The following SCAF4 variants were observed in gnomAD, a reference collection of about 807,000 sequenced individuals.
SCAF4 encodes SR-related CTD associated factor 4, also known as SR-related and CTD-associated factor 4.
A neutral mutation model predicts 129.8 loss-of-function variants in SCAF4; 25 were observed. The ratio of observed to expected loss-of-function variants is 0.19; its 90% CI spans 0.14 to 0.27. The LOEUF is 0.27. Ranked by LOEUF, SCAF4 falls within the 10% of genes least tolerant of loss-of-function variation. The pLI, the probability that SCAF4 is intolerant of heterozygous loss-of-function variation, is 1.00. For missense variants in SCAF4, 1,246 were observed against 1,457.1 expected, an observed-to-expected ratio of 0.86 and a Z score of 2.36; for synonymous variants, 551 against 497.7, an observed-to-expected ratio of 1.11 and a Z score of -1.43.
At position 31,689,000 on chromosome 21, in the gene SCAF4, G is replaced by A. The variant is rs188146825; in HGVS notation, c.1886-536C>T. 9.4e-4 allele frequency among the ~76,000 whole-genome samples: 143 copies of A among 152,174 alleles called. 2 individuals are homozygous for A. Among genetic ancestry groups the A allele is most frequent in the South Asian group, 2.3e-3 (11 of 4,820 alleles). On this transcript the variant is annotated intron_variant, in intron 15 of 19. Transcript: ENST00000286835. ...GAAAACAAAACTGTCTTTCTGCTCC[G>A]TCCTCTGAGGCTCTGGCTCCATCAG...
At chr21:31,674,288 A>G (rs1173549203) in intron 19 of SCAF4, among the ~76,000 whole-genome samples, 1 of 152,240 alleles carries the variant, frequency 6.6e-6, no homozygotes, top group Admixed American at 6.5e-5. Flanking sequence ...TACAATAATC[A>G]TATAAACCTT....
chr21:31,706,076 C>G (rs1229269288), intron 2 of SCAF4, among the ~76,000 whole-genome samples, 198 bp downstream of exon 2: 1 of 152,122 alleles, frequency 6.6e-6, no homozygotes, highest in African/African-American at 2.4e-5. Context: ...TCCCCCTACC[C>G]CCACCAAAAA....
chr21:31,694,284 C>A lies in SCAF4; in HGVS notation c.1242G>T (p.Met414Ile). The change falls in exon 11 of 20, where the codon ATG becomes ATT. Residue 414 changes from methionine (M) to isoleucine (I), a missense_variant. Transcript: ENST00000286835. ...CTTGAATACAAGGTTGTTCTACTTC[C>A]ATTTCCTTAAAAAACAAAAACCATG... is the stretch of plus-strand genomic sequence containing the variant. Reference protein sequence around the residue: ...PLTQKPHQQEMEVEQPCIQEV... With the variant: ...PLTQKPHQQEIEVEQPCIQEV... The A allele has an allele frequency of 6.3e-7, 1 of 1,592,350 alleles. No individual in the cohort carries two copies.
At position 31,691,851 on chromosome 21, in the gene SCAF4, C is replaced by T; in HGVS notation, c.1694G>A (p.Arg565Gln). 1 of 1,607,116 alleles carries T rather than the reference C, an allele frequency of 6.2e-7. No homozygotes were observed. The highest frequency in any genetic ancestry group is 1.1e-5 in the South Asian group (1 of 90,284). ...TTTCTGGTTCACTTTATAGTTTCCT[C>T]GGCTCAGTTTCTGCAGGGCACGATA... ...DAYRALQKLS[R>Q]GNYKVNQKSI... The change falls in exon 14 of 20, where the codon CGA (arginine) becomes CAA (glutamine). Residue 565 changes from arginine (R) to glutamine (Q), a missense_variant. This residue lies in a region of SCAF4 where 468 missense variants were observed against 605.5 expected (regional missense o/e 0.77). Coordinates refer to ENST00000286835, the MANE Select transcript of SCAF4 (RefSeq NM_020706.2).
intron 9 of SCAF4, among the ~76,000 whole-genome samples, 174 bp downstream of exon 9, chr21:31,695,939 C>T (rs1337309567): frequency 6.6e-6 from 1 of 152,162 alleles, no homozygotes; most frequent in Non-Finnish European, 1.5e-5. Flanking sequence ...ATTTTGGCAT[C>T]CTTGTTTTAA....
chr21:31,675,966 G>C (rs1373688853), intron 19 of SCAF4, among the ~76,000 whole-genome samples: 2 of 152,130 alleles, frequency 1.3e-5, no homozygotes, highest in African/African-American at 4.8e-5. Flanking sequence ...GTGCATAAGG[G>C]ATACAAAAGG....
intron 14 of SCAF4, 120 bp downstream of exon 14, chr21:31,691,697 A>C (rs1352927584): frequency 5.1e-6 from 2 of 388,444 alleles, no homozygotes; most frequent in Non-Finnish European, 9.1e-6. Flanking sequence ...AAAAAGATGC[A>C]CATGAAATGC....
chr21:31,677,787 T>C (rs568124247), intron 19 of SCAF4, among the ~76,000 whole-genome samples: 1 of 152,190 alleles, frequency 6.6e-6, no homozygotes, highest in Admixed American at 6.5e-5. Context: ...CAGGCTCCTG[T>C]TGGAGTGGGG....
At chr21:31,726,760 T>C (rs2051215662) in intron 1 of SCAF4, among the ~76,000 whole-genome samples, 1 of 152,300 alleles carries the variant, frequency 6.6e-6, no homozygotes, top group Admixed American at 6.5e-5. Flanking sequence ...GTTTGAAAAG[T>C]TCATTGCAGC....
At chr21:31,684,999 T>G (rs535985420) in intron 19 of SCAF4, 50 bp downstream of exon 19, 188 of 562,184 alleles carry the variant, frequency 3.3e-4, no homozygotes, top group African/African-American at 6.2e-4. Context: ...GGTGGGGGGG[T>G]GGGGGGGGGG....
intron 1 of SCAF4, among the ~76,000 whole-genome samples, chr21:31,721,179 T>TACGGGTTTGCTGCCAATAATCTCTACGGG: frequency 6.6e-6 from 1 of 152,190 alleles, no homozygotes; most frequent in South Asian, 2.1e-4. Context: ...AATAATCTAC[T>TACGGGTTTGCTGCCAATAATCTCTACGGG]TTCTGTCTCT....
At chr21:31,679,045 C>G (rs1014207776) in intron 19 of SCAF4, among the ~76,000 whole-genome samples, 7 of 152,232 alleles carry the variant, frequency 4.6e-5, no homozygotes, top group Middle Eastern at 3.4e-3. Flanking sequence ...GGAGAAGATA[C>G]CTCTCAGGGA....
chr21:31,685,036 A>AAAAAT lies in SCAF4; in HGVS notation c.2488+8_2488+12dup. ...GGGGCAAGGAAAACTAATGATAAAA[A>AAAAAT]AAAATAACTTACCAAGAAGTGAAAC... On this transcript the variant is annotated intron_variant, in intron 19 of 19. Transcript: ENST00000286835. 1 of 1,561,858 alleles carries AAAAAT rather than the reference A, an allele frequency of 6.4e-7. No individual in the cohort carries two copies. Among genetic ancestry groups the AAAAAT allele is most frequent in the Non-Finnish European group, 8.8e-7 (1 of 1,134,568 alleles).
Position 31,685,500 on chromosome 21 carries a change from T to C in SCAF4, c.2210-16A>G. 1.2e-6 allele frequency: 2 copies of C among 1,613,086 alleles called. No individual in the cohort carries two copies. The highest frequency in any genetic ancestry group is 8.5e-7 in the Non-Finnish European group (1 of 1,179,306). On this transcript the variant is annotated splice_polypyrimidine_tract_variant and intron_variant, in intron 17 of 19. Transcript: ENST00000286835. Reference sequence around the variant, plus strand: ...GGCAGAAAACCTAGAATAAGAAAAATAATGTCAACTTATGCTGTATCACTC... The same window carrying C: ...GGCAGAAAACCTAGAATAAGAAAAACAATGTCAACTTATGCTGTATCACTC...
Position 31,701,087 on chromosome 21 carries a change from C to A in SCAF4, c.685G>T (p.Ala229Ser), listed in dbSNP as rs1369998088. 1 of 1,613,996 alleles carries A rather than the reference C, an allele frequency of 6.2e-7. No individual in the cohort carries two copies. The highest frequency in any genetic ancestry group is 2.2e-5 in the East Asian group (1 of 44,862). The change falls in exon 7 of 20, where the codon GCT becomes TCT. Residue 229 changes from alanine (A) to serine (S), a missense_variant. By Grantham distance (99) the Ala-to-Ser change is moderately conservative. Around this residue, in one of 6 missense-constraint regions of SCAF4, gnomAD observed 143 missense variants for 161.0 expected, o/e 0.89. Coordinates refer to ENST00000286835, the MANE Select transcript of SCAF4 (RefSeq NM_020706.2). ...LDNAVMAQVQAITAQLKTTPT... is the reference protein window; with the variant it reads ...LDNAVMAQVQSITAQLKTTPT... ...GTTGTCTTTAACTGAGCTGTGATAG[C>A]CTGAACCTGAGCCATCACAGCATTG...
chr21:31,696,651 C>A lies in SCAF4; in HGVS notation c.877G>T (p.Ala293Ser), dbSNP rs906130982. The A allele has an allele frequency of 1.9e-6, 3 of 1,613,818 alleles. No individual in the cohort carries two copies. The highest frequency in any genetic ancestry group is 1.1e-5 in the South Asian group (1 of 91,086). ...TAVTTTAPAAAVPPAPTATVP... is the reference protein window; with the variant it reads ...TAVTTTAPAASVPPAPTATVP... ...GTGGCGGTGGGTGCAGGGGGTACTGCGGCAGCAGGTGCTGTCGTGGTGACG... is the reference window on the plus strand; with the variant it reads ...GTGGCGGTGGGTGCAGGGGGTACTGAGGCAGCAGGTGCTGTCGTGGTGACG... The change falls in exon 8 of 20, where the codon GCA (alanine) becomes TCA (serine). Residue 293 changes from alanine to serine, a missense_variant. Physicochemically the swap from Ala to Ser is moderately conservative, Grantham distance 99 (BLOSUM62 1). This residue lies in a region of SCAF4 where 236 missense variants were observed against 210.0 expected (regional missense o/e 1.12). Transcript: ENST00000286835.
In SCAF4 at chr21:31,731,966, G is replaced by T; in HGVS notation, c.-274C>A. On this transcript the variant is annotated 5_prime_UTR_variant, in exon 1 of 20. Transcript: ENST00000286835. The stretch of plus-strand genomic sequence containing the variant: ...TGGTCTTCAACATGTCCGTTTGGTG[G>T]TGGCGGCTGCGCTCTGCGTCTCGCT... 2.1e-6 allele frequency: 1 copy of T among 477,092 alleles called. No homozygotes were observed. Among genetic ancestry groups the T allele is most frequent in the East Asian group, 3.5e-5 (1 of 28,298 alleles). The allele number at this position is 477,092 out of a possible 1,614,324, so 29.6% of individuals were successfully genotyped here. A position where few individuals can be genotyped will look rare whatever the true frequency, so the allele number is the denominator to read the frequency against.
chr21:31,706,013 T>C (rs565940129), intron 2 of SCAF4, among the ~76,000 whole-genome samples: 3 of 152,202 alleles, frequency 2.0e-5, no homozygotes, highest in Non-Finnish European at 4.4e-5. Flanking sequence ...GAGGTTGCAG[T>C]GAGCTGAGAT....
intron 19 of SCAF4, among the ~76,000 whole-genome samples, chr21:31,683,739 C>T (rs188679676): frequency 6.6e-6 from 1 of 151,726 alleles, no homozygotes; most frequent in African/African-American, 2.4e-5. Flanking sequence ...AAAAAAGATG[C>T]AAAGATGTTC....
Sources: allele counts gnomAD v4.1 joint callset (sites outside exome capture counted in the v4.1 genomes callset), GRCh38; gene constraint gnomAD v4.1.1; regional missense constraint gnomAD v4.1.1; transcripts MANE v1.5; gene names NCBI Gene and HGNC (gene_info 2026-07-23, HGNC 2026-07-21).